PRAG1: variants seen among roughly 807,000 people sequenced by gnomAD.
PRAG1 encodes the protein PEAK1 related, kinase-activating pseudokinase 1, also known as inactive tyrosine-protein kinase PRAG1.
In PRAG1, 110 loss-of-function variants were observed where a neutral mutation model predicts 95.6. That is an observed-to-expected ratio of 1.15 (90% CI 0.99 to 1.35). The LOEUF is 1.35. Among genes scored for constraint, PRAG1 ranks in the 40% most tolerant of loss-of-function variants. The pLI, the probability that PRAG1 is intolerant of heterozygous loss-of-function variation, is 0.00. For synonymous variants in PRAG1, 1,052 were observed against 819.4 expected, an observed-to-expected ratio of 1.28 and a Z score of -4.85; for missense variants, 2,554 against 1,864.7, an observed-to-expected ratio of 1.37 and a Z score of -6.81.
chr8:8,333,143 C>G (rs1385032652), intron 4 of PRAG1, among the ~76,000 whole-genome samples: 1 of 152,166 alleles, frequency 6.6e-6, no homozygotes, highest in Non-Finnish European at 1.5e-5. Flanking sequence ...CAAATTCTGC[C>G]TTACAATTAA....
chr8:8,377,887 G>A lies in PRAG1; in HGVS notation c.522C>T (p.Asn174=). 1 of 1,614,156 alleles carries A rather than the reference G, an allele frequency of 6.2e-7. No homozygotes were observed. Among genetic ancestry groups the A allele is most frequent in the Non-Finnish European group, 8.5e-7 (1 of 1,180,034 alleles). Reference sequence around the variant, plus strand: ...GGAAGCTCACCGGGTGGAAGGCAATGTTCCTCTCGCCGCGGGGCTCAAGGT... The same window carrying A: ...GGAAGCTCACCGGGTGGAAGGCAATATTCCTCTCGCCGCGGGGCTCAAGGT... ...LHNLEPRGER[N]IAFHPVSFPE... The change falls in exon 3 of 6, where the codon AAC becomes AAT. Residue 174 remains asparagine (N), a synonymous_variant. Transcript: ENST00000615670.
Position 8,379,626 on chromosome 8 carries a change from C to T in PRAG1, c.331-1548G>A, listed in dbSNP as rs985604286. Among the ~76,000 whole-genome samples, 4 of 152,360 alleles carry T rather than the reference C, an allele frequency of 2.6e-5. No homozygotes were observed. In the East Asian group the frequency reaches 7.7e-4, roughly 29 times the overall value. ...ACCTTAGTTTTCATATATGCTCACACAGCCTTCCTGACCTACTCACCATAT... is the reference window on the plus strand; with the variant it reads ...ACCTTAGTTTTCATATATGCTCACATAGCCTTCCTGACCTACTCACCATAT... On this transcript the variant is annotated intron_variant, in intron 2 of 5. Coordinates refer to ENST00000615670, the MANE Select transcript of PRAG1 (RefSeq NM_001080826.3).
intron 4 of PRAG1, among the ~76,000 whole-genome samples, chr8:8,339,219 C>G (rs796253020): frequency 4.6e-5 from 7 of 152,242 alleles, no homozygotes; most frequent in South Asian, 2.1e-4. Flanking sequence ...GAAATAGGAG[C>G]CTTTCAACCT....
rs530119902 is a variant in PRAG1, at chr8:8,318,153, C to A, written c.*1G>T. 4 of 1,610,138 alleles carry A rather than the reference C, an allele frequency of 2.5e-6. No homozygotes were observed. Among genetic ancestry groups the A allele is most frequent in the Non-Finnish European group, 3.4e-6 (4 of 1,178,040 alleles). ...AGCGACGGTGCAGGCTGGGGCTTGG[C>A]TCACAGAAGCTGCAGGAGCTTCAGC... is the stretch of plus-strand genomic sequence containing the variant. On this transcript the variant is annotated 3_prime_UTR_variant, in exon 6 of 6. Coordinates refer to ENST00000615670, the MANE Select transcript of PRAG1 (RefSeq NM_001080826.3). This position sits in a 1 kb window ranked among gnomAD's most constrained non-coding sequence, Gnocchi z 4.2.
At chr8:8,365,306 C>G (rs1799963456) in intron 3 of PRAG1, among the ~76,000 whole-genome samples, 1 of 152,192 alleles carries the variant, frequency 6.6e-6, no homozygotes, top group South Asian at 2.1e-4. Flanking sequence ...TCTGCCACCT[C>G]ACTCCCCAAT....
rs976778389 is a variant in PRAG1 at position 8,327,834 on chromosome 8, T to C, written c.2948A>G (p.His983Arg). Residue 983 changes from histidine (H) to arginine (R), a missense_variant, in exon 5 of 6, where the codon CAC (histidine) becomes CGC (arginine). His to Arg is a conservative substitution (Grantham distance 29). Coordinates refer to ENST00000615670, the MANE Select transcript of PRAG1 (RefSeq NM_001080826.3). ...LFMGGQKKEL[H>R]FNENNWSLFK... Reference sequence around the variant, plus strand: ...GAGCGACCAGTTATTCTCATTGAAGTGGAGCTCCTTTTTCTGGCCGCCCAT... The same window carrying C: ...GAGCGACCAGTTATTCTCATTGAAGCGGAGCTCCTTTTTCTGGCCGCCCAT... The C allele has an allele frequency of 6.2e-7, 1 of 1,614,098 alleles. No homozygotes were observed. The highest frequency in any genetic ancestry group is 8.5e-7 in the Non-Finnish European group (1 of 1,180,036).
intron 3 of PRAG1, among the ~76,000 whole-genome samples, chr8:8,370,924 A>T (rs1343302049): frequency 6.6e-6 from 1 of 152,048 alleles, no homozygotes; most frequent in Non-Finnish European, 1.5e-5. Context: ...GGATTACTTG[A>T]AGTAAGGAGT....
intron 3 of PRAG1, among the ~76,000 whole-genome samples, chr8:8,371,504 C>G (rs1386921585): frequency 1.3e-5 from 2 of 151,986 alleles, no homozygotes; most frequent in East Asian, 2.0e-4. Context: ...CGTGATCCAC[C>G]CGCCTTGGCC....
At chr8:8,382,668 T>A (rs966567053) in intron 1 of PRAG1, among the ~76,000 whole-genome samples, 4 of 152,198 alleles carry the variant, frequency 2.6e-5, no homozygotes, top group African/African-American at 9.7e-5. Flanking sequence ...AAAAATTCAT[T>A]GCTTCTTAGA....
In PRAG1 at chr8:8,376,262, G is replaced by A. The variant is rs756174151; in HGVS notation, c.2147C>T (p.Pro716Leu). ...TGGTACTCACCGCGACTTTGGAGGC[G>A]GAGGAGGAGGTGAGAATGTCTCAAT... ...SGIETFSPPP[P>L]PPKSRHLLKM... Residue 716 changes from proline (P) to leucine (L), a missense_variant, in exon 3 of 6, where the codon CCG (proline) becomes CTG (leucine). Pro to Leu is a moderately conservative substitution (Grantham distance 98). Coordinates refer to ENST00000615670, the MANE Select transcript of PRAG1 (RefSeq NM_001080826.3). The A allele has an allele frequency of 8.7e-6, 14 of 1,613,612 alleles. No individual in the cohort carries two copies. Among genetic ancestry groups the A allele is most frequent in the Admixed American group, 1.7e-5 (1 of 60,020 alleles).
At chr8:8,330,037 C>A (rs926202148) in intron 4 of PRAG1, among the ~76,000 whole-genome samples, 1 of 152,172 alleles carries the variant, frequency 6.6e-6, no homozygotes, top group African/African-American at 2.4e-5. Context: ...GGGGTCCTTG[C>A]ACCAATATCC....
chr8:8,327,600 A>G lies in PRAG1; in HGVS notation c.3072+110T>C, dbSNP rs1798671712. 9.6e-6 allele frequency: 12 copies of G among 1,245,376 alleles called. No homozygotes were observed. In the South Asian group the frequency reaches 2.0e-4, roughly 20 times the overall value. The allele number at this position is 1,245,376 out of a possible 1,614,324, so 77.1% of individuals were successfully genotyped here. The stretch of plus-strand genomic sequence containing the variant: ...GAAAAAAAAGAATGCTTAGGAATCA[A>G]CTCCCCTCCTAATGCCCAGACAGGT... On this transcript the variant is annotated intron_variant, in intron 5 of 5. Transcript: ENST00000615670.
At chr8:8,320,158 T>C (rs1798429188) in intron 5 of PRAG1, among the ~76,000 whole-genome samples, 1 of 152,158 alleles carries the variant, frequency 6.6e-6, no homozygotes, top group African/African-American at 2.4e-5. Context: ...GGACAAATTC[T>C]CAAGAAGGCA....
chr8:8,348,060 G>T (rs745668589), intron 3 of PRAG1, among the ~76,000 whole-genome samples: 2 of 152,192 alleles, frequency 1.3e-5, no homozygotes, highest in Non-Finnish European at 2.9e-5. Context: ...GGGACTACAG[G>T]TGCATGCCAC....
At chr8:8,340,805 T>C (rs1253675045) in intron 3 of PRAG1, among the ~76,000 whole-genome samples, 1 of 152,126 alleles carries the variant, frequency 6.6e-6, no homozygotes, top group Non-Finnish European at 1.5e-5. Flanking sequence ...CTCCCAACCC[T>C]TAGAATCGTA....
intron 3 of PRAG1, among the ~76,000 whole-genome samples, chr8:8,352,571 A>G (rs534106302): frequency 6.6e-6 from 1 of 152,188 alleles, no homozygotes. Context: ...CTATTTCTCC[A>G]TGACTCACAG....
intron 3 of PRAG1, among the ~76,000 whole-genome samples, chr8:8,357,490 C>CAACA (rs1799718500): frequency 6.6e-6 from 1 of 152,150 alleles, no homozygotes; most frequent in Non-Finnish European, 1.5e-5. Flanking sequence ...CACAATGAGA[C>CAACA]AACAACTCAT....
chr8:8,346,698 C>T lies in PRAG1; in HGVS notation c.2163-7063G>A, dbSNP rs554879252. Among the ~76,000 whole-genome samples, 22 of 152,300 alleles carry T rather than the reference C, an allele frequency of 1.4e-4. No homozygotes were observed. In the South Asian group the frequency reaches 2.7e-3, roughly 19 times the overall value. ...GAATGCCCACAATCCTTAACGGATG[C>T]GGGGCCCCAGTGTGCAGCAGAGAGT... On this transcript the variant is annotated intron_variant, in intron 3 of 5. Coordinates refer to ENST00000615670, the MANE Select transcript of PRAG1 (RefSeq NM_001080826.3).
At position 8,328,165 on chromosome 8, in the gene PRAG1, G is replaced by A. The variant is rs780296797; in HGVS notation, c.2617C>T (p.His873Tyr). Reference sequence around the variant, plus strand: ...GGATCGGAAGAGGAGAAGACAGGATGGTGGCGGTTCCCGGGGCTCAACGAA... The same window carrying A: ...GGATCGGAAGAGGAGAAGACAGGATAGTGGCGGTTCCCGGGGCTCAACGAA... ...SYSLSPGNRH[H>Y]PVFSSSDPLE... Residue 873 changes from histidine to tyrosine, a missense_variant, in exon 5 of 6, where the codon CAT becomes TAT. By Grantham distance (83) the His-to-Tyr change is moderately conservative. Transcript: ENST00000615670. 19 of 1,614,248 alleles carry A rather than the reference G, an allele frequency of 1.2e-5. No homozygotes were observed. In the African/African-American group the frequency reaches 1.9e-4, roughly 16 times the overall value.
Sources: gnomAD v4.1 joint callset for allele counts (sites outside exome capture counted in the v4.1 genomes callset) on GRCh38, gnomAD v4.1.1 for gene constraint, Gnocchi (gnomAD v3.1) non-coding constraint, MANE v1.5 for transcripts, NCBI Gene and HGNC (gene_info 2026-07-23, HGNC 2026-07-21) for gene names.